Variants in ANO6 observed in about 807,000 individuals in gnomAD.
ANO6 encodes the protein anoctamin-6.
In ANO6, 106 loss-of-function variants were observed where a neutral mutation model predicts 117.5. That is an observed-to-expected ratio of 0.90 (90% CI 0.77 to 1.06). The LOEUF (loss-of-function observed/expected upper bound fraction) is 1.06, where lower values mean the gene tolerates loss of function less well. ANO6 is among the 50% of genes least tolerant of loss of function. The probability of loss-of-function intolerance (pLI) is 0.00; values close to 1 mark genes in which losing one functional copy is unlikely to be tolerated. For synonymous variants in ANO6, 367 were observed against 385.1 expected, an observed-to-expected ratio of 0.95 and a Z score of 0.55; for missense variants, 955 against 1,121.1, an observed-to-expected ratio of 0.85 and a Z score of 2.12.
intron 19 of ANO6, among the ~76,000 whole-genome samples, chr12:45,428,709 C>T (rs1943563914): frequency 6.6e-6 from 1 of 152,142 alleles, no homozygotes; most frequent in African/African-American, 2.4e-5. Flanking sequence ...GAATGATACA[C>T]ATATACTTGT....
intron 12 of ANO6, 93 bp from the exon 13 acceptor site, chr12:45,401,702 A>T: frequency 9.8e-7 from 1 of 1,023,350 alleles, no homozygotes; most frequent in Non-Finnish European, 1.5e-6. Flanking sequence ...ACATCACTTT[A>T]CACACACACC....
chr12:45,270,071 A>G (rs1592899019), intron 1 of ANO6, among the ~76,000 whole-genome samples: 1 of 152,332 alleles, frequency 6.6e-6, no homozygotes, highest in African/African-American at 2.4e-5. Context: ...CACCAGGGGT[A>G]GTGAACCACA....
intron 1 of ANO6, among the ~76,000 whole-genome samples, chr12:45,252,243 G>A (rs1937646411): frequency 6.6e-6 from 1 of 152,180 alleles, no homozygotes; most frequent in Admixed American, 6.5e-5. Context: ...TTGGAAAATA[G>A]CAATTTATGA....
At chr12:45,433,508 T>C (rs1176061991), downstream of ANO6, among the ~76,000 whole-genome samples, 1 of 152,160 alleles carries the variant, frequency 6.6e-6, no homozygotes, top group African/African-American at 2.4e-5. Flanking sequence ...GAAATGTAGA[T>C]TGGATCACTG....
intron 12 of ANO6, among the ~76,000 whole-genome samples, chr12:45,393,957 C>T (rs1238650571): frequency 1.3e-5 from 2 of 152,102 alleles, no homozygotes; most frequent in African/African-American, 2.4e-5. Context: ...GAATAAGCAG[C>T]GAATGTCATA....
chr12:45,377,442 A>G (rs996333457), intron 9 of ANO6, among the ~76,000 whole-genome samples: 1 of 152,180 alleles, frequency 6.6e-6, no homozygotes, highest in African/African-American at 2.4e-5. Flanking sequence ...ATTCATTGTA[A>G]TGTTAGCAAA....
intron 12 of ANO6, among the ~76,000 whole-genome samples, chr12:45,399,067 G>T (rs990845441): frequency 6.6e-6 from 1 of 152,204 alleles, no homozygotes; most frequent in Non-Finnish European, 1.5e-5. Flanking sequence ...GCTGTGTTTT[G>T]TTCCTTTCAT....
intron 1 of ANO6, among the ~76,000 whole-genome samples, chr12:45,239,801 A>T (rs1342272790): frequency 6.6e-6 from 1 of 152,160 alleles, no homozygotes; most frequent in Non-Finnish European, 1.5e-5. Context: ...ATTCAGGAGC[A>T]GGTTGTTCAG....
intron 10 of ANO6, among the ~76,000 whole-genome samples, chr12:45,381,399 T>G (rs1262388450): frequency 6.6e-6 from 1 of 152,184 alleles, no homozygotes; most frequent in Non-Finnish European, 1.5e-5. Context: ...TTCTATCAGT[T>G]GTCTTATTGC....
At chr12:45,258,072 C>T (rs1022988996) in intron 1 of ANO6, among the ~76,000 whole-genome samples, 6 of 152,058 alleles carry the variant, frequency 3.9e-5, no homozygotes, top group African/African-American at 1.4e-4. Context: ...TTGAAGAAAA[C>T]TTGGTTTGGA....
chr12:45,430,911 G>A lies in ANO6; in HGVS notation c.*1600G>A. ...ATGGTCATGCTGCATGGGCTTCACT[G>A]GGATGCTGTTAAACACCAGAGGAGC... On this transcript the variant is annotated 3_prime_UTR_variant, in exon 20 of 20. Coordinates refer to ENST00000320560, the MANE Select transcript of ANO6 (RefSeq NM_001025356.3). 1.0e-6 allele frequency: 1 copy of A among 985,378 alleles called. No homozygotes were observed. Among genetic ancestry groups the A allele is most frequent in the East Asian group, 1.1e-4 (1 of 8,808 alleles). The allele number at this position is 985,378 out of a possible 1,614,324, so 61.0% of individuals were successfully genotyped here.
At position 45,316,087 on chromosome 12, in the gene ANO6, C is replaced by T. The variant is rs760826250; in HGVS notation, c.150+13994C>T. Among the ~76,000 whole-genome samples, 87 of 151,914 alleles carry T rather than the reference C, an allele frequency of 5.7e-4. 3 individuals are homozygous for T. Among genetic ancestry groups the T allele is most frequent in the Admixed American group, 4.5e-3 (69 of 15,222 alleles). On this transcript the variant is annotated intron_variant, in intron 2 of 19. Coordinates refer to ENST00000320560, the MANE Select transcript of ANO6 (RefSeq NM_001025356.3). The stretch of plus-strand genomic sequence containing the variant: ...TCTGTGAGGTGTAATGGAATTTTCC[C>T]GGTAATTTATCTGCCACATTACAGA...
intron 9 of ANO6, among the ~76,000 whole-genome samples, chr12:45,375,062 A>G (rs938888153): frequency 6.6e-6 from 1 of 152,038 alleles, no homozygotes; most frequent in African/African-American, 2.4e-5. Flanking sequence ...CACCAACAAC[A>G]TACAAACAGA....
At chr12:45,329,422 A>C (rs7967892) in intron 2 of ANO6, among the ~76,000 whole-genome samples, 2 of 151,884 alleles carry the variant, frequency 1.3e-5, no homozygotes, top group Non-Finnish European at 2.9e-5. Flanking sequence ...TTGCCAAGTC[A>C]GTGAGGTTTT....
chr12:45,352,915 G>A (rs753274484), intron 7 of ANO6, among the ~76,000 whole-genome samples: 9 of 151,954 alleles, frequency 5.9e-5, no homozygotes, highest in Non-Finnish European at 1.2e-4. Context: ...TGTTTTCCTT[G>A]CTCTTGTTGA....
Position 45,371,062 on chromosome 12 carries a change from C to A in ANO6, c.1104+3269C>A, listed in dbSNP as rs550742049. On this transcript the variant is annotated intron_variant, in intron 9 of 19. Coordinates refer to ENST00000320560, the MANE Select transcript of ANO6 (RefSeq NM_001025356.3). ...GCCTCACTCGGGAAGTGCAAGGGGT[C>A]AGGGAGTTCCCTTTCCTAGTCAAAG... Among the ~76,000 whole-genome samples the A allele has an allele frequency of 2.9e-3, 438 of 152,326 alleles. 2 individuals carry two copies. Among genetic ancestry groups the A allele is most frequent in the South Asian group, 9.7e-3 (47 of 4,830 alleles).
intron 1 of ANO6, among the ~76,000 whole-genome samples, chr12:45,232,937 AAAG>A (rs1246392848): frequency 6.6e-6 from 1 of 152,194 alleles, no homozygotes; most frequent in Non-Finnish European, 1.5e-5. Context: ...GGAAGTTTCC[AAAG>A]GAGGAAGAAA....
chr12:45,245,513 G>T (rs1386837418), intron 1 of ANO6, among the ~76,000 whole-genome samples: 7 of 144,886 alleles, frequency 4.8e-5, no homozygotes, highest in East Asian at 2.0e-4. Context: ...AAATGTATTT[G>T]CTTGCCTGAA....
At chr12:45,225,346 G>A (rs1437753783) in intron 1 of ANO6, among the ~76,000 whole-genome samples, 1 of 152,100 alleles carries the variant, frequency 6.6e-6, no homozygotes, top group African/African-American at 2.4e-5. Context: ...TGTGTATTTT[G>A]TATTTTAGCT....
Sources: allele counts gnomAD v4.1 joint callset (sites outside exome capture counted in the v4.1 genomes callset), GRCh38; gene constraint gnomAD v4.1.1; transcripts MANE v1.5; gene names NCBI Gene and HGNC (gene_info 2026-07-23, HGNC 2026-07-21).